The following KCNB2 variants were observed in gnomAD, a reference collection of about 807,000 sequenced individuals.
KCNB2 encodes potassium voltage-gated channel subfamily B member 2, also known as delayed rectifier potassium channel protein.
A neutral mutation model predicts 61.5 loss-of-function variants in KCNB2; 15 were observed. That is an observed-to-expected ratio of 0.24 (90% CI 0.16 to 0.38). KCNB2 has a LOEUF of 0.38. Among genes scored for constraint, KCNB2 ranks in the 10% least tolerant of loss-of-function variants. The pLI is 1.00. For missense variants in KCNB2, 828 were observed against 1,125.2 expected, an observed-to-expected ratio of 0.74 and a Z score of 3.78; for synonymous variants, 457 against 446.0, an observed-to-expected ratio of 1.02 and a Z score of -0.31.
rs1809967697 is a variant in KCNB2, at chr8:72,845,256, C to T, written c.580-90679C>T. ...CTCCAGACCCCATTTGCCTGGGTAT[C>T]ACCAGCGGAGGCTGCAGAACAGCAA... On this transcript the variant is annotated intron_variant, in intron 2 of 2. Coordinates refer to ENST00000523207, the MANE Select transcript of KCNB2 (RefSeq NM_004770.3). 2.0e-5 allele frequency among the ~76,000 whole-genome samples: 3 copies of T among 152,204 alleles called. No homozygotes were observed. The South Asian group carries it at 6.2e-4, about 32-fold the overall frequency.
chr8:72,921,056 T>C (rs990953263), intron 2 of KCNB2, among the ~76,000 whole-genome samples: 1 of 152,134 alleles, frequency 6.6e-6, no homozygotes, highest in Non-Finnish European at 1.5e-5. Flanking sequence ...TTCTCTCTTA[T>C]TGAGTGAAAT....
At chr8:72,742,957 A>G (rs1225149823) in intron 2 of KCNB2, among the ~76,000 whole-genome samples, 2 of 152,348 alleles carry the variant, frequency 1.3e-5, no homozygotes, top group Admixed American at 1.3e-4. Context: ...GCTCTGTCCC[A>G]TATGTTCCCA....
intron 1 of KCNB2, among the ~76,000 whole-genome samples, chr8:72,548,114 A>G (rs1290660099): frequency 2.0e-5 from 3 of 152,206 alleles, no homozygotes; most frequent in Admixed American, 1.3e-4. Context: ...TAATTAAGGT[A>G]TGAACATTTT....
chr8:72,864,801 A>G (rs1805486294), intron 2 of KCNB2, among the ~76,000 whole-genome samples: 1 of 152,158 alleles, frequency 6.6e-6, no homozygotes, highest in Non-Finnish European at 1.5e-5. Context: ...CTTCAAGAGC[A>G]TTTGTGAAGG....
chr8:72,541,310 T>C (rs1806184676), intron 1 of KCNB2, among the ~76,000 whole-genome samples: 1 of 152,072 alleles, frequency 6.6e-6, no homozygotes, highest in Non-Finnish European at 1.5e-5. Flanking sequence ...AGGCACATAC[T>C]GTTTTAAGCA....
chr8:72,936,982 C>A lies in KCNB2; in HGVS notation c.1627C>A (p.Leu543Ile), dbSNP rs1427332352. The A allele has an allele frequency of 6.2e-7, 1 of 1,614,002 alleles. No individual in the cohort carries two copies. ...TCTGAGTGCCCAGAAACTGGAGATG[C>A]TATACAATGAAATCACCAAGACACA... is the stretch of plus-strand genomic sequence containing the variant. Reference protein sequence around the residue: ...QHLSAQKLEMLYNEITKTQPH... With the variant: ...QHLSAQKLEMIYNEITKTQPH... The change falls in exon 3 of 3, where the codon CTA becomes ATA. Residue 543 changes from leucine (L) to isoleucine (I), a missense_variant. Leu to Ile is a conservative substitution (Grantham distance 5, BLOSUM62 2). Transcript: ENST00000523207. The surrounding 1 kb of genome is among the most constrained non-coding windows in gnomAD (Gnocchi z 5.6).
intron 2 of KCNB2, among the ~76,000 whole-genome samples, chr8:72,869,945 G>A (rs563313734): frequency 6.6e-6 from 1 of 152,292 alleles, no homozygotes; most frequent in South Asian, 2.1e-4. Context: ...CCACCTAAAT[G>A]TCCAGCAGCA....
At chr8:72,576,731 G>A (rs1240290867) in intron 2 of KCNB2, among the ~76,000 whole-genome samples, 1 of 152,148 alleles carries the variant, frequency 6.6e-6, no homozygotes, top group Non-Finnish European at 1.5e-5. Flanking sequence ...TCCTTTCCCA[G>A]TGTCCCCTGG....
At chr8:72,928,713 C>G (rs1278658795) in intron 2 of KCNB2, among the ~76,000 whole-genome samples, 1 of 138,604 alleles carries the variant, frequency 7.2e-6, no homozygotes, top group Non-Finnish European at 1.6e-5. Context: ...CACACACACA[C>G]AGTTTTATAA....
chr8:72,796,156 C>T (rs1809028219), intron 2 of KCNB2, among the ~76,000 whole-genome samples: 1 of 152,156 alleles, frequency 6.6e-6, no homozygotes, highest in African/African-American at 2.4e-5. Flanking sequence ...CTTGTATCAC[C>T]AGGAAATATT....
At chr8:72,561,739 ATATATATG>A (rs1361961585) in intron 1 of KCNB2, among the ~76,000 whole-genome samples, 4 of 24,710 alleles carry the variant, frequency 1.6e-4, no homozygotes, top group African/African-American at 1.0e-3. Context: ...CTATATCTAT[ATATATATG>A]TATATATATA....
chr8:72,643,085 A>T (rs1806080423), intron 2 of KCNB2, among the ~76,000 whole-genome samples: 1 of 152,174 alleles, frequency 6.6e-6, no homozygotes, highest in Admixed American at 6.6e-5. Context: ...TCTGCCTTCC[A>T]GTCAAGAGTA....
intron 2 of KCNB2, among the ~76,000 whole-genome samples, chr8:72,701,904 T>C (rs1326492160): frequency 1.3e-5 from 2 of 152,214 alleles, no homozygotes; most frequent in East Asian, 3.8e-4. Context: ...AGAATAGATA[T>C]GTAATATTGT....
chr8:72,680,301 A>T (rs574842444), intron 2 of KCNB2, among the ~76,000 whole-genome samples: 37 of 152,224 alleles, frequency 2.4e-4, no homozygotes, highest in African/African-American at 8.9e-4. Context: ...AGTTTGAGGG[A>T]GTGTGGGAGG....
chr8:72,606,518 A>C (rs890592117), intron 2 of KCNB2, among the ~76,000 whole-genome samples: 1 of 152,326 alleles, frequency 6.6e-6, no homozygotes, highest in East Asian at 1.9e-4. Context: ...ACTAATTAGT[A>C]ATTGTTATTT....
chr8:72,748,320 A>T (rs1339069200), intron 2 of KCNB2, among the ~76,000 whole-genome samples: 1 of 152,142 alleles, frequency 6.6e-6, no homozygotes, highest in Non-Finnish European at 1.5e-5. Context: ...AGATGATTTT[A>T]TGTCATTCAG....
At chr8:72,728,840 A>C (rs1036879315) in intron 2 of KCNB2, among the ~76,000 whole-genome samples, 1 of 152,230 alleles carries the variant, frequency 6.6e-6, no homozygotes, top group Non-Finnish European at 1.5e-5. Context: ...CCATTTGTTT[A>C]TAACTGACAT....
chr8:72,900,273 AG>A (rs1186653706), intron 2 of KCNB2, among the ~76,000 whole-genome samples: 1 of 152,166 alleles, frequency 6.6e-6, no homozygotes. Flanking sequence ...TAAATGTTTC[AG>A]GGATAACTGA....
intron 2 of KCNB2, among the ~76,000 whole-genome samples, chr8:72,629,170 A>C (rs191764323): frequency 3.3e-5 from 5 of 152,332 alleles, no homozygotes; most frequent in Admixed American, 1.3e-4. Context: ...TCTGAAGACT[A>C]AATTGAACTC....
Sources: allele counts gnomAD v4.1 joint callset (sites outside exome capture counted in the v4.1 genomes callset), GRCh38; gene constraint gnomAD v4.1.1; non-coding constraint Gnocchi (gnomAD v3.1); transcripts MANE v1.5; gene names NCBI Gene and HGNC (gene_info 2026-07-23, HGNC 2026-07-21).